Variants in PTPRD observed in about 807,000 individuals in gnomAD.
PTPRD encodes the protein protein tyrosine phosphatase receptor type D, also known as receptor-type tyrosine-protein phosphatase delta.
In PTPRD, 34 loss-of-function variants were observed where a neutral mutation model predicts 214.5. The ratio of observed to expected loss-of-function variants is 0.16; its 90% CI spans 0.12 to 0.21. The LOEUF (loss-of-function observed/expected upper bound fraction) is 0.21, where lower values mean the gene tolerates loss of function less well. Ranked by LOEUF, PTPRD falls within the 10% of genes least tolerant of loss-of-function variation. PTPRD has a pLI of 1.00. For missense variants in PTPRD, 2,545 were observed against 2,398.7 expected (o/e 1.06, Z -1.27); for synonymous variants, 1,128 against 845.7 (o/e 1.33, Z -5.79).
At chr9:10,405,547 G>C (rs529213237) in intron 2 of PTPRD, among the ~76,000 whole-genome samples, 18 of 151,442 alleles carry the variant, frequency 1.2e-4, no homozygotes, top group African/African-American at 4.3e-4. Flanking sequence ...AAAAGCAACT[G>C]ATATAAATAA....
intron 3 of PTPRD, among the ~76,000 whole-genome samples, chr9:10,134,784 A>T (rs990986507): frequency 6.6e-6 from 1 of 152,146 alleles, no homozygotes; most frequent in African/African-American, 2.4e-5. Context: ...AGGAAGAATT[A>T]GTACATTAAC....
chr9:9,108,730 T>C (rs1203720140), intron 10 of PTPRD, among the ~76,000 whole-genome samples: 1 of 152,174 alleles, frequency 6.6e-6, no homozygotes, highest in East Asian at 1.9e-4. Context: ...ACTGCCTAAC[T>C]GCAAGGGGAC....
chr9:8,900,277 ACAGGTTATCATAC>A (rs1341835738), intron 11 of PTPRD, among the ~76,000 whole-genome samples: 5 of 152,244 alleles, frequency 3.3e-5, no homozygotes, highest in Non-Finnish European at 7.3e-5. Context: ...AAAGGAGGCA[ACAGGTTATCATAC>A]CATTAAAATA....
At chr9:10,228,855 A>T (rs1403603188) in intron 3 of PTPRD, among the ~76,000 whole-genome samples, 1 of 151,598 alleles carries the variant, frequency 6.6e-6, no homozygotes, top group Non-Finnish European at 1.5e-5. Context: ...GATATTTCCA[A>T]ATTAAAATGC....
intron 33 of PTPRD, among the ~76,000 whole-genome samples, chr9:8,450,882 A>G (rs10977114): frequency 0.32 from 49,319 of 151,812 alleles, 8,988 homozygotes; most frequent in East Asian, 0.52. Flanking sequence ...TCTCTACACC[A>G]CAGTCACAAT....
At chr9:9,127,453 T>C (rs905167261) in intron 10 of PTPRD, among the ~76,000 whole-genome samples, 2 of 152,190 alleles carry the variant, frequency 1.3e-5, no homozygotes, top group African/African-American at 4.8e-5. Context: ...TGGGAAGCTA[T>C]AACTGACAAG....
intron 8 of PTPRD, among the ~76,000 whole-genome samples, chr9:9,481,098 A>G (rs1256511754): frequency 1.3e-5 from 2 of 152,168 alleles, no homozygotes; most frequent in African/African-American, 4.8e-5. Context: ...CATGATGATG[A>G]TGATGGTGAT....
Position 9,148,088 on chromosome 9 carries a change from T to C in PTPRD, c.-143+35216A>G, listed in dbSNP as rs552234669. Among the ~76,000 whole-genome samples the C allele has an allele frequency of 5.9e-5, 9 of 152,332 alleles. No individual in the cohort carries two copies. In the East Asian group the frequency reaches 1.7e-3, roughly 29 times the overall value. On this transcript the variant is annotated intron_variant, in intron 10 of 45. Transcript: ENST00000381196. ...CATTATGATTTATTTAGCTTTTGTA[T>C]TGCATTTGCAAGAAAAACATACAAA...
At chr9:9,650,352 T>G (rs1019207387) in intron 7 of PTPRD, among the ~76,000 whole-genome samples, 7 of 152,188 alleles carry the variant, frequency 4.6e-5, no homozygotes, top group African/African-American at 1.7e-4. Flanking sequence ...GAAAATGGAC[T>G]AATGCAGTGA....
intron 11 of PTPRD, among the ~76,000 whole-genome samples, chr9:8,767,466 A>T (rs1208795269): frequency 6.6e-6 from 1 of 152,094 alleles, no homozygotes; most frequent in African/African-American, 2.4e-5. Context: ...CTACTCAAAG[A>T]TCATTTATAT....
intron 43 of PTPRD, among the ~76,000 whole-genome samples, chr9:8,332,832 T>C (rs768878067): frequency 6.6e-6 from 1 of 152,086 alleles, no homozygotes; most frequent in African/African-American, 2.4e-5. Context: ...TTTGAAGAGG[T>C]CCTACTCCTA....
At chr9:8,478,192 C>T (rs933200619) in intron 30 of PTPRD, among the ~76,000 whole-genome samples, 10 of 152,112 alleles carry the variant, frequency 6.6e-5, no homozygotes, top group Admixed American at 1.3e-4. Flanking sequence ...TTAAATGAAA[C>T]CTAATATCCT....
chr9:10,051,941 CT>C, intron 3 of PTPRD, among the ~76,000 whole-genome samples: 1 of 152,022 alleles, frequency 6.6e-6, no homozygotes, highest in South Asian at 2.1e-4. Context: ...ATTTAGGCTC[CT>C]CTCTTTTTGT....
At chr9:8,649,419 C>T (rs1210217843) in intron 12 of PTPRD, among the ~76,000 whole-genome samples, 2 of 152,220 alleles carry the variant, frequency 1.3e-5, no homozygotes, top group East Asian at 1.9e-4. Flanking sequence ...CACAACTTCT[C>T]ATCTATCAAC....
chr9:9,418,879 T>C (rs1330999289), intron 8 of PTPRD, among the ~76,000 whole-genome samples: 1 of 151,906 alleles, frequency 6.6e-6, no homozygotes, highest in African/African-American at 2.4e-5. Flanking sequence ...CAAAAGGATA[T>C]GTGCTAGAAA....
Position 8,774,396 on chromosome 9 carries a change from T to G in PTPRD, c.-103-40450A>C, listed in dbSNP as rs144663319. 4.0e-4 allele frequency among the ~76,000 whole-genome samples: 61 copies of G among 152,128 alleles called. 1 individual carries two copies. In the East Asian group the frequency reaches 0.011, roughly 29 times the overall value. ...TTCAGAAAGGGAGAAGATTAGAGAT[T>G]ACAGGAGAGAGCTGACAAGATGAAG... On this transcript the variant is annotated intron_variant, in intron 11 of 45. Transcript: ENST00000381196.
intron 11 of PTPRD, among the ~76,000 whole-genome samples, chr9:8,899,447 T>A (rs575307195): frequency 6.6e-6 from 1 of 152,282 alleles, no homozygotes; most frequent in African/African-American, 2.4e-5. Flanking sequence ...GATCGGCATA[T>A]CTCCCAGCTA....
At chr9:9,807,032 G>C (rs181028831) in intron 5 of PTPRD, among the ~76,000 whole-genome samples, 1 of 152,170 alleles carries the variant, frequency 6.6e-6, no homozygotes, top group African/African-American at 2.4e-5. Context: ...GAGTCAGATG[G>C]AATACTCGGA....
At chr9:9,232,603 A>G (rs1290724007) in intron 9 of PTPRD, among the ~76,000 whole-genome samples, 2 of 152,146 alleles carry the variant, frequency 1.3e-5, no homozygotes, top group Non-Finnish European at 2.9e-5. Context: ...AAATAATAGA[A>G]ATGCAAGCCA....
Sources: gnomAD v4.1 joint callset for allele counts (sites outside exome capture counted in the v4.1 genomes callset) on GRCh38, gnomAD v4.1.1 for gene constraint, MANE v1.5 for transcripts, NCBI Gene and HGNC (gene_info 2026-07-23, HGNC 2026-07-21) for gene names.